DCC: variants seen among roughly 807,000 people sequenced by gnomAD.
DCC encodes netrin receptor DCC.
A neutral mutation model predicts 172.5 loss-of-function variants in DCC; 58 were observed. The observed-to-expected ratio is 0.34, with a 90% confidence interval of 0.27 to 0.42. The LOEUF is 0.42. Among genes scored for constraint, DCC ranks in the 10% least tolerant of loss-of-function variants. The pLI, the probability that DCC is intolerant of heterozygous loss-of-function variation, is 1.00. For synonymous variants in DCC, 709 were observed against 644.5 expected (o/e 1.10, Z -1.52); for missense variants, 1,740 against 1,791.0 (o/e 0.97, Z 0.51).
At position 52,728,483 on chromosome 18, in the gene DCC, A is replaced by C. The variant is rs553687936; in HGVS notation, c.92-23571A>C. Among the ~76,000 whole-genome samples the C allele has an allele frequency of 3.3e-5, 5 of 152,282 alleles. No homozygotes were observed. In the South Asian group the frequency reaches 1.0e-3, roughly 32 times the overall value. On this transcript the variant is annotated intron_variant, in intron 1 of 28. Coordinates refer to ENST00000442544, the MANE Select transcript of DCC (RefSeq NM_005215.4). The stretch of plus-strand genomic sequence containing the variant: ...GATTGTTATACATGAAAATATAAAG[A>C]TCATTGTATTTTGATGCATCTTCCA...
intron 5 of DCC, among the ~76,000 whole-genome samples, chr18:52,947,313 T>C (rs543122292): frequency 6.6e-6 from 1 of 152,310 alleles, no homozygotes; most frequent in Admixed American, 6.5e-5. Context: ...TTTTTTCTTA[T>C]ACAATGCAAA....
intron 2 of DCC, among the ~76,000 whole-genome samples, chr18:52,755,184 A>G (rs1028245639): frequency 1.3e-5 from 2 of 152,198 alleles, no homozygotes; most frequent in Non-Finnish European, 2.9e-5. Flanking sequence ...CCCACCCATC[A>G]GTTGTCCACA....
At chr18:52,808,305 G>A (rs2038125874) in intron 2 of DCC, among the ~76,000 whole-genome samples, 1 of 151,980 alleles carries the variant, frequency 6.6e-6, no homozygotes, top group East Asian at 1.9e-4. Context: ...TTTGCCAAAT[G>A]ATGTGATTTG....
intron 14 of DCC, among the ~76,000 whole-genome samples, chr18:53,328,831 A>G (rs201639427): frequency 6.6e-6 from 1 of 152,118 alleles, no homozygotes; most frequent in Admixed American, 6.5e-5. Flanking sequence ...AGCCTCCCAG[A>G]GTGCTGAGAT....
At chr18:52,600,973 C>T (rs2034005944) in intron 1 of DCC, among the ~76,000 whole-genome samples, 1 of 151,962 alleles carries the variant, frequency 6.6e-6, no homozygotes, top group Non-Finnish European at 1.5e-5. Context: ...AACAAAAGAT[C>T]TCATGTAGAT....
At chr18:53,008,644 A>T (rs919865164) in intron 5 of DCC, among the ~76,000 whole-genome samples, 2 of 151,970 alleles carry the variant, frequency 1.3e-5, no homozygotes, top group African/African-American at 4.8e-5. Flanking sequence ...CATTGGCCAC[A>T]TTTCTGAAGT....
chr18:52,549,113 C>A lies in DCC; in HGVS notation c.92-202941C>A, dbSNP rs143450212. ...GGACTCTGAATGCACTTTTCATGGT[C>A]TTTACAAACTTAAACCTTCAGTGAT... On this transcript the variant is annotated intron_variant, in intron 1 of 28. Coordinates refer to ENST00000442544, the MANE Select transcript of DCC (RefSeq NM_005215.4). Among the ~76,000 whole-genome samples the A allele has an allele frequency of 3.9e-3, 592 of 151,804 alleles. 6 individuals are homozygous for A. Among genetic ancestry groups the A allele is most frequent in the African/African-American group, 0.014 (561 of 41,406 alleles).
chr18:52,358,387 T>G (rs1378437433), intron 1 of DCC, among the ~76,000 whole-genome samples: 1 of 152,194 alleles, frequency 6.6e-6, no homozygotes, highest in Non-Finnish European at 1.5e-5. Flanking sequence ...CCTACAACTT[T>G]CTAATTGAGA....
chr18:52,405,885 C>A (rs1310447665), intron 1 of DCC, among the ~76,000 whole-genome samples: 1 of 151,730 alleles, frequency 6.6e-6, no homozygotes, highest in African/African-American at 2.4e-5. Context: ...GCCAAAAGAA[C>A]AAAGCTGGAG....
chr18:53,524,372 A>C (rs2046432276), intron 27 of DCC, among the ~76,000 whole-genome samples: 2 of 152,162 alleles, frequency 1.3e-5, no homozygotes, highest in South Asian at 4.1e-4. Context: ...GTAATATAGC[A>C]ACAGTATCAA....
At chr18:53,349,843 G>A (rs2057768402) in intron 15 of DCC, among the ~76,000 whole-genome samples, 4 of 152,190 alleles carry the variant, frequency 2.6e-5, no homozygotes, top group Admixed American at 2.6e-4. Context: ...AATTGTGGGA[G>A]TTACAAGTCA....
chr18:52,780,121 A>G (rs1159114207), intron 2 of DCC, among the ~76,000 whole-genome samples: 1 of 152,128 alleles, frequency 6.6e-6, no homozygotes, highest in Non-Finnish European at 1.5e-5. Flanking sequence ...AGCTTTCTGC[A>G]GGTTCATTTC....
chr18:52,737,383 GCA>G (rs1376757893), intron 1 of DCC, among the ~76,000 whole-genome samples: 54 of 152,216 alleles, frequency 3.5e-4, no homozygotes, highest in Admixed American at 5.9e-4. Context: ...CTGTGCAACA[GCA>G]GAGTGGGCTA....
chr18:52,342,011 G>T (rs1324930557), intron 1 of DCC, among the ~76,000 whole-genome samples: 1 of 152,130 alleles, frequency 6.6e-6, no homozygotes, highest in Admixed American at 6.5e-5. Flanking sequence ...CATCAATCGC[G>T]GCCAAGCCCC....
At chr18:52,551,247 G>A (rs2032762236) in intron 1 of DCC, among the ~76,000 whole-genome samples, 1 of 151,978 alleles carries the variant, frequency 6.6e-6, no homozygotes, top group Non-Finnish European at 1.5e-5. Flanking sequence ...TGTCAGCCCT[G>A]TTGGGTACGA....
intron 12 of DCC, among the ~76,000 whole-genome samples, chr18:53,255,446 A>G (rs2056494508): frequency 7.4e-6 from 1 of 134,340 alleles, no homozygotes; most frequent in South Asian, 2.4e-4. Context: ...CTTCCCACCT[A>G]TCAGTGAGAA....
intron 12 of DCC, among the ~76,000 whole-genome samples, chr18:53,232,313 A>T (rs954408148): frequency 2.0e-5 from 3 of 152,170 alleles, no homozygotes; most frequent in South Asian, 4.1e-4. Context: ...TGCAAATGTC[A>T]TGTGACTATT....
intron 5 of DCC, among the ~76,000 whole-genome samples, chr18:53,061,891 G>A (rs558533266): frequency 1.3e-5 from 2 of 152,118 alleles, no homozygotes; most frequent in South Asian, 2.1e-4. Flanking sequence ...ATAAATGTTT[G>A]GCATTGGGTA....
At chr18:52,994,738 T>C (rs555125128) in intron 5 of DCC, among the ~76,000 whole-genome samples, 1 of 152,172 alleles carries the variant, frequency 6.6e-6, no homozygotes, top group African/African-American at 2.4e-5. Context: ...TTATGAACTC[T>C]TATAATGGAT....
Sources: gnomAD v4.1 joint callset for allele counts (sites outside exome capture counted in the v4.1 genomes callset) on GRCh38, gnomAD v4.1.1 for gene constraint, MANE v1.5 for transcripts, NCBI Gene and HGNC (gene_info 2026-07-23, HGNC 2026-07-21) for gene names.